Variants in MACROD2 observed in about 807,000 individuals in gnomAD.
MACROD2 encodes mono-ADP ribosylhydrolase 2.
A neutral mutation model predicts 70.4 loss-of-function variants in MACROD2; 36 were observed. The observed-to-expected ratio is 0.51, with a 90% CI of 0.39 to 0.68. The LOEUF (loss-of-function observed/expected upper bound fraction) is 0.68. MACROD2 is among the 30% of genes least tolerant of loss of function. The pLI is 0.00. For missense variants in MACROD2, 496 were observed against 538.4 expected (o/e 0.92, Z 0.78); for synonymous variants, 172 against 178.8 (o/e 0.96, Z 0.30).
chr20:14,097,277 T>C (rs1222723706), intron 3 of MACROD2, among the ~76,000 whole-genome samples: 2 of 152,240 alleles, frequency 1.3e-5, no homozygotes, highest in African/African-American at 4.8e-5. Flanking sequence ...TACATCCATC[T>C]GATTTATGGT....
chr20:15,006,466 A>C (rs2075038554), intron 5 of MACROD2, among the ~76,000 whole-genome samples: 1 of 152,044 alleles, frequency 6.6e-6, no homozygotes, highest in South Asian at 2.1e-4. Context: ...TATACTTAAA[A>C]TTTGCTAAGC....
chr20:15,583,796 A>G (rs2048559664), intron 8 of MACROD2, among the ~76,000 whole-genome samples: 1 of 152,156 alleles, frequency 6.6e-6, no homozygotes, highest in Non-Finnish European at 1.5e-5. Flanking sequence ...GGTGTGTGCC[A>G]CCACGCCCGG....
intron 8 of MACROD2, among the ~76,000 whole-genome samples, chr20:15,748,933 A>G (rs1306465193): frequency 6.6e-6 from 1 of 152,144 alleles, no homozygotes; most frequent in Non-Finnish European, 1.5e-5. Context: ...TGGACAAGTC[A>G]GTGAAGACAT....
intron 4 of MACROD2, among the ~76,000 whole-genome samples, chr20:14,532,263 G>A (rs1479111277): frequency 6.9e-6 from 1 of 145,684 alleles, no homozygotes; most frequent in East Asian, 2.0e-4. Context: ...CTGTCACCCA[G>A]GCTGGAGTGC....
At chr20:15,997,624 G>A (rs2066650340) in intron 15 of MACROD2, among the ~76,000 whole-genome samples, 1 of 152,100 alleles carries the variant, frequency 6.6e-6, no homozygotes, top group Admixed American at 6.5e-5. Context: ...ATAAGACTAT[G>A]TCATCTATAA....
intron 5 of MACROD2, among the ~76,000 whole-genome samples, chr20:15,151,779 G>A (rs1361986604): frequency 6.6e-6 from 1 of 152,036 alleles, no homozygotes; most frequent in African/African-American, 2.4e-5. Context: ...TGCTGGGCAG[G>A]TTGGGGAGGG....
chr20:15,406,046 C>T (rs1316791726), intron 6 of MACROD2, among the ~76,000 whole-genome samples: 4 of 152,174 alleles, frequency 2.6e-5, no homozygotes, highest in South Asian at 4.1e-4. Flanking sequence ...AGACATACGC[C>T]GTTAGGGACT....
intron 5 of MACROD2, among the ~76,000 whole-genome samples, chr20:15,066,254 C>T (rs1278173626): frequency 6.6e-6 from 1 of 151,962 alleles, no homozygotes; most frequent in African/African-American, 2.4e-5. Context: ...GCCTCAGCCT[C>T]TGGAGTAGCT....
chr20:14,125,062 A>G (rs1455776945), intron 3 of MACROD2, among the ~76,000 whole-genome samples: 2 of 152,206 alleles, frequency 1.3e-5, no homozygotes, highest in Non-Finnish European at 2.9e-5. Flanking sequence ...AAAAGGTTAC[A>G]TATTGTAGGC....
chr20:15,829,612 T>A (rs1038244738), intron 8 of MACROD2, among the ~76,000 whole-genome samples: 1 of 152,172 alleles, frequency 6.6e-6, no homozygotes. Context: ...GAGCTCATCT[T>A]TGATCCTCTT....
chr20:15,566,371 G>A (rs986515138), intron 8 of MACROD2, among the ~76,000 whole-genome samples: 4 of 151,882 alleles, frequency 2.6e-5, no homozygotes, highest in East Asian at 3.9e-4. Context: ...GGTGATGTGC[G>A]CCTGTAATCC....
intron 3 of MACROD2, among the ~76,000 whole-genome samples, chr20:14,248,700 G>A (rs2081986985): frequency 1.3e-5 from 2 of 151,862 alleles, no homozygotes; most frequent in African/African-American, 4.8e-5. Context: ...CCATCTCCAG[G>A]ATATCTCATT....
chr20:14,594,442 G>A (rs1170212969), intron 4 of MACROD2, among the ~76,000 whole-genome samples: 1 of 152,094 alleles, frequency 6.6e-6, no homozygotes, highest in Admixed American at 6.5e-5. Flanking sequence ...CGTTAAAATT[G>A]TATTAATTTT....
chr20:15,359,833 T>C (rs530299481), intron 6 of MACROD2, among the ~76,000 whole-genome samples: 87 of 152,214 alleles, frequency 5.7e-4, no homozygotes, highest in Non-Finnish European at 1.2e-3. Context: ...TCATTTTGCG[T>C]AACTAGGTTT....
intron 5 of MACROD2, among the ~76,000 whole-genome samples, chr20:14,938,167 C>A (rs1415379911): frequency 6.6e-6 from 1 of 151,856 alleles, no homozygotes; most frequent in Admixed American, 6.6e-5. Context: ...AGTGCAGATA[C>A]CTCTTTATTT....
intron 5 of MACROD2, among the ~76,000 whole-genome samples, chr20:15,226,903 A>C (rs2076911388): frequency 6.6e-6 from 1 of 152,208 alleles, no homozygotes; most frequent in African/African-American, 2.4e-5. Context: ...TGGAATTCAA[A>C]GACAGGCCTC....
At chr20:14,985,485 C>G (rs1265764616) in intron 5 of MACROD2, among the ~76,000 whole-genome samples, 1 of 152,126 alleles carries the variant, frequency 6.6e-6, no homozygotes, top group African/African-American at 2.4e-5. Context: ...AGAGGAAGCT[C>G]TGCATCCACT....
chr20:15,895,690 A>C (rs2064960816), intron 10 of MACROD2, among the ~76,000 whole-genome samples: 1 of 152,158 alleles, frequency 6.6e-6, no homozygotes, highest in Non-Finnish European at 1.5e-5. Flanking sequence ...AAAAACATGC[A>C]ATGGCAACCT....
intron 2 of MACROD2, among the ~76,000 whole-genome samples, chr20:14,030,629 C>T (rs1227738972): frequency 4.6e-5 from 7 of 152,054 alleles, no homozygotes; most frequent in South Asian, 2.1e-4. Context: ...AGGCTGGTCT[C>T]GAACTCCTGA....
Sources: allele counts gnomAD v4.1 joint callset (sites outside exome capture counted in the v4.1 genomes callset), GRCh38; gene constraint gnomAD v4.1.1; transcripts MANE v1.5; gene names NCBI Gene and HGNC (gene_info 2026-07-23, HGNC 2026-07-21).